SETD2: variants seen among roughly 807,000 people sequenced by gnomAD.
The protein encoded by SETD2 is SET domain containing 2, histone lysine methyltransferase, also known as histone-lysine N-methyltransferase SETD2.
Under a neutral mutation model 242.1 loss-of-function variants are expected in SETD2, and 31 were observed. The ratio of observed to expected loss-of-function variants is 0.13; its 90% CI spans 0.10 to 0.17. The LOEUF is 0.17. Ranked by LOEUF, SETD2 falls within the 10% of genes least tolerant of loss-of-function variation. The pLI, the probability that SETD2 is intolerant of heterozygous loss-of-function variation, is 1.00. For missense variants in SETD2, 2,481 were observed against 3,046.3 expected (o/e 0.81, Z 4.37); for synonymous variants, 1,006 against 1,066.5 (o/e 0.94, Z 1.11).
At chr3:47,097,034 C>A (rs1282109565) in intron 9 of SETD2, among the ~76,000 whole-genome samples, 1 of 152,054 alleles carries the variant, frequency 6.6e-6, no homozygotes, top group East Asian at 1.9e-4. Context: ...AACCATTATA[C>A]TCTCATCACC....
chr3:47,085,295 C>G (rs1486325601), intron 11 of SETD2, among the ~76,000 whole-genome samples: 1 of 152,186 alleles, frequency 6.6e-6, no homozygotes, highest in Non-Finnish European at 1.5e-5. Flanking sequence ...TGGACCAATC[C>G]TGGGTATCTT....
At chr3:47,046,042 T>C (rs1371468565) in intron 16 of SETD2, among the ~76,000 whole-genome samples, 4 of 151,884 alleles carry the variant, frequency 2.6e-5, no homozygotes, top group African/African-American at 7.3e-5. Context: ...GCTACACAAA[T>C]TTAAAAACGG....
chr3:47,056,161 G>T (rs1440350210), intron 15 of SETD2, among the ~76,000 whole-genome samples: 1 of 142,136 alleles, frequency 7.0e-6, no homozygotes, highest in Admixed American at 7.2e-5. Flanking sequence ...ATCTTGCCCT[G>T]TTGTCCAGGC....
At chr3:47,070,618 T>C (rs1051343891) in intron 12 of SETD2, among the ~76,000 whole-genome samples, 1 of 152,224 alleles carries the variant, frequency 6.6e-6, no homozygotes, top group African/African-American at 2.4e-5. Context: ...TGAGTCTGTC[T>C]GGAATAATGT....
Position 47,114,015 on chromosome 3 carries a change from A to G in SETD2, c.4587-11T>C. ...GGACACCGAGAAGAACTGAAATGAG[A>G]AAAGGAGGAAATTTAATTCTTTAAA... On this transcript the variant is annotated splice_polypyrimidine_tract_variant and intron_variant, in intron 4 of 20. Transcript: ENST00000409792. 1.3e-6 allele frequency: 2 copies of G among 1,593,228 alleles called. No individual in the cohort carries two copies. The highest frequency in any genetic ancestry group is 1.1e-5 in the South Asian group (1 of 87,910).
chr3:47,079,376 C>T (rs1362702281), intron 12 of SETD2, among the ~76,000 whole-genome samples: 1 of 152,104 alleles, frequency 6.6e-6, no homozygotes, highest in African/African-American at 2.4e-5. Flanking sequence ...TGTATACACC[C>T]TCCCACCTCT....
intron 12 of SETD2, among the ~76,000 whole-genome samples, chr3:47,072,551 T>C (rs935777764): frequency 6.6e-6 from 1 of 151,822 alleles, no homozygotes; most frequent in Non-Finnish European, 1.5e-5. Flanking sequence ...CTGGGTGCAG[T>C]GGCTCACACC....
chr3:47,056,643 C>T (rs1168755024), intron 15 of SETD2, among the ~76,000 whole-genome samples, 178 bp downstream of exon 15: 1 of 152,124 alleles, frequency 6.6e-6, no homozygotes, highest in Non-Finnish European at 1.5e-5. Context: ...TTCTGAGTTA[C>T]TTATTGTCTT....
At chr3:47,078,313 T>A (rs978873215) in intron 12 of SETD2, among the ~76,000 whole-genome samples, 3 of 152,066 alleles carry the variant, frequency 2.0e-5, no homozygotes, top group African/African-American at 7.2e-5. Flanking sequence ...ACTGTAATAT[T>A]CCTGACCAAA....
At chr3:47,148,262 T>C (rs1459829574) in intron 1 of SETD2, among the ~76,000 whole-genome samples, 1 of 151,886 alleles carries the variant, frequency 6.6e-6, no homozygotes, top group Non-Finnish European at 1.5e-5. Flanking sequence ...TCCCAAGTAG[T>C]TGGGATTACA....
Position 47,120,877 on chromosome 3 carries a change from T to G in SETD2, c.3759A>C (p.Glu1253Asp). ...IPHVDGLHSSEELRNLGWDFS... is the reference protein window; with the variant it reads ...IPHVDGLHSSDELRNLGWDFS... The stretch of plus-strand genomic sequence containing the variant: ...AGTCCCAACCTAAGTTTCTGAGCTC[T>G]TCTGATGAGTGCAAGCCATCCACAT... The change falls in exon 3 of 21, where the codon GAA (glutamate) becomes GAC (aspartate). Residue 1253 changes from glutamate (E) to aspartate (D), a missense_variant. Physicochemically the swap from Glu to Asp is conservative, Grantham distance 45 (BLOSUM62 2). Coordinates refer to ENST00000409792, the MANE Select transcript of SETD2 (RefSeq NM_014159.7). The G allele has an allele frequency of 6.2e-7, 1 of 1,614,230 alleles. No homozygotes were observed. Among genetic ancestry groups the G allele is most frequent in the Non-Finnish European group, 8.5e-7 (1 of 1,180,028 alleles).
At chr3:47,144,527 C>T (rs2106802556) in intron 1 of SETD2, among the ~76,000 whole-genome samples, 1 of 152,262 alleles carries the variant, frequency 6.6e-6, no homozygotes, top group South Asian at 2.1e-4. Context: ...GTCCCAGTCT[C>T]AGCCACTTGG....
At chr3:47,095,397 G>C (rs985872615) in intron 9 of SETD2, among the ~76,000 whole-genome samples, 2 of 152,162 alleles carry the variant, frequency 1.3e-5, no homozygotes, top group African/African-American at 4.8e-5. Context: ...GCCTCCCAAA[G>C]GGCTGAGATT....
intron 18 of SETD2, among the ~76,000 whole-genome samples, chr3:47,034,914 T>C (rs2038932673): frequency 6.6e-6 from 1 of 152,196 alleles, no homozygotes; most frequent in African/African-American, 2.4e-5. Flanking sequence ...GTATTTAAAA[T>C]GTGTATTTAG....
rs2106680518 is a variant in SETD2, at chr3:47,122,516, A to G, written c.2120T>C (p.Leu707Ser). ...CATGCATGCTTTGACCAAAGGGGAT[A>G]ATTCCGATCCAGTCACACTATCATC... is the stretch of plus-strand genomic sequence containing the variant. ...TSDDSVTGSE[L>S]SPLVKACMLS... Residue 707 changes from leucine to serine, a missense_variant, in exon 3 of 21, where the codon TTA (leucine) becomes TCA (serine). Leu to Ser is a moderately radical substitution (Grantham distance 145). Coordinates refer to ENST00000409792, the MANE Select transcript of SETD2 (RefSeq NM_014159.7). 1 of 1,614,154 alleles carries G rather than the reference A, an allele frequency of 6.2e-7. No homozygotes were observed. Among genetic ancestry groups the G allele is most frequent in the Non-Finnish European group, 8.5e-7 (1 of 1,179,988 alleles).
At chr3:47,100,230 G>A (rs921959004) in intron 8 of SETD2, among the ~76,000 whole-genome samples, 4 of 151,340 alleles carry the variant, frequency 2.6e-5, no homozygotes, top group Admixed American at 2.0e-4. Context: ...ATGAGCCACC[G>A]CACCCAGCCT....
chr3:47,139,867 A>C (rs1042579478), intron 1 of SETD2, among the ~76,000 whole-genome samples: 1 of 152,240 alleles, frequency 6.6e-6, no homozygotes, highest in Non-Finnish European at 1.5e-5. Context: ...CTGAACTAGC[A>C]TGAGTAGACT....
Position 47,121,291 on chromosome 3 carries a change from T to A in SETD2, c.3345A>T (p.Glu1115Asp), listed in dbSNP as rs1264445809. Residue 1115 changes from glutamate (E) to aspartate (D), a missense_variant, in exon 3 of 21, where the codon GAA (glutamate) becomes GAT (aspartate). Glu to Asp is a conservative substitution (Grantham distance 45). This residue lies in a region of SETD2 where 1,300 missense variants were observed against 1,259.2 expected (regional missense o/e 1.03). Coordinates refer to ENST00000409792, the MANE Select transcript of SETD2 (RefSeq NM_014159.7). The part of the protein sequence containing the change: ...RLESRRHLYE[E>D]KFESIASKAC... ...CTTTACTTGCTATACTTTCAAATTT[T>A]TCCTCATACAAATGTCTCCTTGACT... 6.2e-7 allele frequency: 1 copy of A among 1,613,334 alleles called. No homozygotes were observed. Among genetic ancestry groups the A allele is most frequent in the Non-Finnish European group, 8.5e-7 (1 of 1,180,002 alleles).
intron 18 of SETD2, among the ~76,000 whole-genome samples, chr3:47,025,521 A>T (rs955658013): frequency 1.3e-5 from 2 of 152,208 alleles, no homozygotes; most frequent in African/African-American, 4.8e-5. Context: ...CTAGCAAAGC[A>T]CTAAGACTTC....
Sources: gnomAD v4.1 joint callset for allele counts (sites outside exome capture counted in the v4.1 genomes callset) on GRCh38, gnomAD v4.1.1 for gene constraint, gnomAD v4.1.1 regional missense constraint, MANE v1.5 for transcripts, NCBI Gene and HGNC (gene_info 2026-07-23, HGNC 2026-07-21) for gene names.